The following TRHDE variants were observed in gnomAD, a reference collection of about 807,000 sequenced individuals.
TRHDE encodes thyrotropin-releasing hormone-degrading ectoenzyme.
Under a neutral mutation model 125.7 loss-of-function variants are expected in TRHDE, and 72 were observed. The observed-to-expected ratio is 0.57, with a 90% CI of 0.47 to 0.70. The LOEUF (loss-of-function observed/expected upper bound fraction) is 0.70. TRHDE is among the 30% of genes least tolerant of loss of function. The probability of loss-of-function intolerance (pLI) is 0.00; values close to 1 mark genes in which losing one functional copy is unlikely to be tolerated. For missense variants in TRHDE, 1,110 were observed against 1,327.1 expected, an observed-to-expected ratio of 0.84 and a Z score of 2.54; for synonymous variants, 509 against 509.1, an observed-to-expected ratio of 1.00 and a Z score of 0.00.
At chr12:72,549,890 T>G (rs1270593574) in intron 7 of TRHDE, among the ~76,000 whole-genome samples, 1 of 151,758 alleles carries the variant, frequency 6.6e-6, no homozygotes, top group African/African-American at 2.4e-5. Flanking sequence ...CTTTATTATT[T>G]TGCTTCTAAT....
chr12:72,193,194 G>A (rs1877373552), intron 2 of TRHDE, among the ~76,000 whole-genome samples: 1 of 151,818 alleles, frequency 6.6e-6, no homozygotes, highest in Non-Finnish European at 1.5e-5. Context: ...TAGCTGTGTA[G>A]TCACCCTAAA....
chr12:72,638,428 A>C (rs1275528486), intron 15 of TRHDE, among the ~76,000 whole-genome samples: 1 of 152,014 alleles, frequency 6.6e-6, no homozygotes, highest in Non-Finnish European at 1.5e-5. Flanking sequence ...TCCTGAATAC[A>C]GCACACTGAT....
intron 2 of TRHDE, chr12:72,306,556 G>T (rs138183426): frequency 5.9e-5 from 9 of 152,176 alleles, no homozygotes; most frequent in African/African-American, 2.2e-4. Flanking sequence ...CAGTAGCAAA[G>T]AAAAAGATAA....
intron 2 of TRHDE, chr12:72,257,994 A>T (rs2139392014): frequency 6.6e-6 from 1 of 152,228 alleles, no homozygotes; most frequent in Non-Finnish European, 1.5e-5. Context: ...GATAAAGAGG[A>T]AAAGGGAGGA....
intron 5 of TRHDE, among the ~76,000 whole-genome samples, chr12:72,480,006 G>A (rs1224706670): frequency 6.6e-6 from 1 of 150,668 alleles, no homozygotes; most frequent in African/African-American, 2.4e-5. Context: ...CCTTTTTTAT[G>A]GCTGCATAGT....
chr12:72,191,094 A>G (rs376321114), intron 2 of TRHDE, among the ~76,000 whole-genome samples: 4 of 152,210 alleles, frequency 2.6e-5, no homozygotes, highest in African/African-American at 9.6e-5. Flanking sequence ...ACTTATTTTG[A>G]AAAAAAGTAA....
At chr12:72,493,306 A>C (rs1877767086) in intron 5 of TRHDE, among the ~76,000 whole-genome samples, 1 of 151,976 alleles carries the variant, frequency 6.6e-6, no homozygotes, top group African/African-American at 2.4e-5. Context: ...TTGCATCTAC[A>C]TACATTATAA....
chr12:72,122,294 T>G (rs985511447), intron 2 of TRHDE, among the ~76,000 whole-genome samples: 1 of 152,224 alleles, frequency 6.6e-6, no homozygotes, highest in Non-Finnish European at 1.5e-5. Context: ...TCATTCATCA[T>G]GTTTCTTGCC....
intron 6 of TRHDE, among the ~76,000 whole-genome samples, chr12:72,503,063 T>C (rs902345036): frequency 6.6e-6 from 1 of 152,202 alleles, no homozygotes; most frequent in African/African-American, 2.4e-5. Context: ...AAAGGTAAAC[T>C]ATGTTGGGTT....
chr12:72,543,216 A>G (rs1869240310), intron 7 of TRHDE, among the ~76,000 whole-genome samples: 2 of 151,470 alleles, frequency 1.3e-5, no homozygotes, highest in South Asian at 4.1e-4. Context: ...TTTTAGTAGT[A>G]TAATTCTATC....
At chr12:72,121,432 C>A (rs1020164261) in intron 2 of TRHDE, among the ~76,000 whole-genome samples, 1 of 152,176 alleles carries the variant, frequency 6.6e-6, no homozygotes, top group Non-Finnish European at 1.5e-5. Flanking sequence ...CAGGGTTGGT[C>A]TAATTGCTTC....
chr12:72,142,359 G>A (rs984502994), intron 2 of TRHDE, among the ~76,000 whole-genome samples: 6 of 152,018 alleles, frequency 3.9e-5, no homozygotes, highest in African/African-American at 1.4e-4. Context: ...GCTCTGGAAC[G>A]TGCCTTGGTC....
At chr12:72,464,293 A>C (rs11179219) in intron 3 of TRHDE, among the ~76,000 whole-genome samples, 4,319 of 152,266 alleles carry the variant, frequency 0.028, 78 homozygotes, top group Non-Finnish European at 0.042. Context: ...GCTATAACCA[A>C]ATACCTGAGA....
intron 7 of TRHDE, among the ~76,000 whole-genome samples, chr12:72,546,822 C>T (rs1196613573): frequency 6.6e-6 from 1 of 151,612 alleles, no homozygotes; most frequent in Non-Finnish European, 1.5e-5. Context: ...TCTCAGCTGC[C>T]TAGAGTACAC....
At chr12:72,596,316 AC>A (rs1871937187) in intron 12 of TRHDE, among the ~76,000 whole-genome samples, 1 of 152,154 alleles carries the variant, frequency 6.6e-6, no homozygotes, top group African/African-American at 2.4e-5. Flanking sequence ...TACATGGAAA[AC>A]AAAAATTCTT....
chr12:72,641,601 A>C (rs1874063864), intron 15 of TRHDE, among the ~76,000 whole-genome samples: 2 of 152,172 alleles, frequency 1.3e-5, no homozygotes, highest in Admixed American at 1.3e-4. Flanking sequence ...ACTAATTATT[A>C]ATCTATATCA....
chr12:72,577,895 A>G (rs1871070704), intron 12 of TRHDE, among the ~76,000 whole-genome samples: 1 of 152,152 alleles, frequency 6.6e-6, no homozygotes, highest in South Asian at 2.1e-4. Flanking sequence ...TTGAATATAT[A>G]TTTATAATTT....
At chr12:72,648,106 A>C (rs1007518158) in intron 15 of TRHDE, among the ~76,000 whole-genome samples, 1 of 152,110 alleles carries the variant, frequency 6.6e-6, no homozygotes, top group Non-Finnish European at 1.5e-5. Flanking sequence ...TACAAAAATC[A>C]ATTAATGTTA....
intron 2 of TRHDE, among the ~76,000 whole-genome samples, chr12:72,344,472 T>C (rs1481374622): frequency 2.0e-5 from 3 of 152,130 alleles, no homozygotes; most frequent in Non-Finnish European, 4.4e-5. Flanking sequence ...GCCACATAGC[T>C]AATAGATAAT....
Sources: gnomAD v4.1 joint callset for allele counts (sites outside exome capture counted in the v4.1 genomes callset) on GRCh38, gnomAD v4.1.1 for gene constraint, MANE v1.5 for transcripts, NCBI Gene and HGNC (gene_info 2026-07-23, HGNC 2026-07-21) for gene names.